Variants in CYFIP2 observed in about 807,000 individuals in gnomAD.
CYFIP2 encodes the protein cytoplasmic FMR1 interacting protein 2.
CYFIP2 carries 29 observed loss-of-function variants against 158.7 expected under a neutral mutation model. The observed-to-expected ratio is 0.18, with a 90% CI of 0.14 to 0.25. CYFIP2 has a LOEUF of 0.25. CYFIP2 is among the 10% of genes least tolerant of loss of function. The pLI is 1.00. For missense variants in CYFIP2, 852 were observed against 1,639.5 expected, an observed-to-expected ratio of 0.52 and a Z score of 8.29; for synonymous variants, 585 against 617.6, an observed-to-expected ratio of 0.95 and a Z score of 0.78.
At chr5:157,327,896 G>T (rs1472363084) in intron 18 of CYFIP2, 77 bp from the exon 19 acceptor site, 2 of 1,394,048 alleles carry the variant, frequency 1.4e-6, no homozygotes, top group East Asian at 2.3e-5. Context: ...CTGCCTGACT[G>T]CTGTCTTTCA....
At chr5:157,275,313 T>G (rs954668141) in intron 1 of CYFIP2, among the ~76,000 whole-genome samples, 4 of 152,228 alleles carry the variant, frequency 2.6e-5, no homozygotes, top group Non-Finnish European at 4.4e-5. Context: ...TGATCCATTT[T>G]GAGTTAATTT....
At chr5:157,345,420 C>A (rs1762606536) in intron 23 of CYFIP2, 1 of 152,576 alleles carries the variant, frequency 6.6e-6, no homozygotes, top group Non-Finnish European at 1.5e-5. Context: ...GATTTTTCTT[C>A]CTCTGTTTCC....
At chr5:157,268,013 C>A (rs1472792438) in intron 1 of CYFIP2, among the ~76,000 whole-genome samples, 1 of 152,206 alleles carries the variant, frequency 6.6e-6, no homozygotes, top group Non-Finnish European at 1.5e-5. Context: ...TTTTGAGCAC[C>A]CAGTGTCCAC....
In CYFIP2 at chr5:157,310,927, T is replaced by TCTC; in HGVS notation, c.993-737_993-736insCTC. The TCTC allele has an allele frequency of 8.9e-6, 4 of 450,594 alleles. No individual in the cohort carries two copies. In the East Asian group the frequency reaches 2.1e-4, roughly 24 times the overall value. The allele number at this position is 450,594 out of a possible 1,614,324, so 27.9% of individuals were successfully genotyped here. On this transcript the variant is annotated intron_variant, in intron 10 of 30. Coordinates refer to ENST00000620254, the MANE Select transcript of CYFIP2 (RefSeq NM_001037333.3). ...ACCAGCACCTGAGGGTAGAAGAGGGTGAAGGGAGTGGTCCTTTTTCTCTTG... is the reference window on the plus strand; with the variant it reads ...ACCAGCACCTGAGGGTAGAAGAGGGTCTCGAAGGGAGTGGTCCTTTTTCTCTTG...
At chr5:157,379,244 A>C (rs1358058127) in intron 26 of CYFIP2, among the ~76,000 whole-genome samples, 1 of 152,098 alleles carries the variant, frequency 6.6e-6, no homozygotes, top group Non-Finnish European at 1.5e-5. Context: ...TGTCATATCT[A>C]TATGATTATA....
rs767676701 is a variant in CYFIP2 at position 157,361,371 on chromosome 5, C to T, written c.2909-97C>T. 3 of 1,545,720 alleles carry T rather than the reference C, an allele frequency of 1.9e-6. No homozygotes were observed. The highest frequency in any genetic ancestry group is 1.8e-5 in the Admixed American group (1 of 56,716). ...ATGCGTGGTTTGGCTTTTTGCTATC[C>T]CAGAGTCAGGTCTGGGGCTGCCACT... On this transcript the variant is annotated intron_variant, in intron 25 of 30. Coordinates refer to ENST00000620254, the MANE Select transcript of CYFIP2 (RefSeq NM_001037333.3). The surrounding 1 kb of genome is among the most constrained non-coding windows in gnomAD (Gnocchi z 4.4).
intron 8 of CYFIP2, among the ~76,000 whole-genome samples, chr5:157,305,179 T>C (rs1759109847): frequency 6.6e-6 from 1 of 152,220 alleles, no homozygotes; most frequent in African/African-American, 2.4e-5. Context: ...GTTGATTCCA[T>C]ATTTTTGCAA....
At chr5:157,368,816 C>T (rs1392619494) in intron 26 of CYFIP2, among the ~76,000 whole-genome samples, 1 of 151,902 alleles carries the variant, frequency 6.6e-6, no homozygotes, top group African/African-American at 2.4e-5. Context: ...CTGTTCACCA[C>T]CCACCTGCCG....
intron 1 of CYFIP2, among the ~76,000 whole-genome samples, chr5:157,279,206 A>G (rs1330833754): frequency 9.9e-5 from 15 of 152,222 alleles, no homozygotes; most frequent in Admixed American, 9.2e-4. Context: ...ACTATTGTAA[A>G]TTGTCACCCT....
At chr5:157,269,146 G>T (rs1161026832) in intron 1 of CYFIP2, among the ~76,000 whole-genome samples, 1 of 152,028 alleles carries the variant, frequency 6.6e-6, no homozygotes, top group Non-Finnish European at 1.5e-5. Flanking sequence ...GTTGGTCTCT[G>T]TGACCAGTAA....
chr5:157,378,152 G>A (rs893550028), intron 26 of CYFIP2, among the ~76,000 whole-genome samples: 3 of 152,152 alleles, frequency 2.0e-5, no homozygotes, highest in South Asian at 2.1e-4. Context: ...ACAAACTGAC[G>A]TGAGTGGTCT....
In CYFIP2 at chr5:157,324,003, G is replaced by C; in HGVS notation, c.1754G>C (p.Gly585Ala). The stretch of plus-strand genomic sequence containing the variant: ...AAGACCCTGAGGAGCAGCCTGGATG[G>C]ACCCATTGTCCTCGCCATAGAGGAC... ...SKKTLRSSLD[G>A]PIVLAIEDFH... is the part of the protein sequence containing the mutation. The change falls in exon 16 of 31, where the codon GGA (glycine) becomes GCA (alanine). Residue 585 changes from glycine (G) to alanine (A), a missense_variant. Physicochemically the swap from Gly to Ala is moderately conservative, Grantham distance 60. This residue lies in a region of CYFIP2 where 167 missense variants were observed against 343.3 expected (regional missense o/e 0.49). Transcript: ENST00000620254. The C allele has an allele frequency of 6.2e-7, 1 of 1,613,434 alleles. No individual in the cohort carries two copies. Among genetic ancestry groups the C allele is most frequent in the Non-Finnish European group, 8.5e-7 (1 of 1,179,684 alleles).
intron 13 of CYFIP2, among the ~76,000 whole-genome samples, chr5:157,318,594 C>CT (rs749227531): frequency 7.2e-5 from 11 of 152,172 alleles, no homozygotes; most frequent in Non-Finnish European, 1.5e-4. Flanking sequence ...CTTTTTCTTC[C>CT]TTTAAGTTTT....
At chr5:157,305,213 A>G (rs375528915) in intron 8 of CYFIP2, among the ~76,000 whole-genome samples, 7 of 152,292 alleles carry the variant, frequency 4.6e-5, no homozygotes, top group African/African-American at 1.7e-4. Flanking sequence ...TGCTATAAAC[A>G]TGTGTGCAAG....
chr5:157,334,367 G>A (rs545354488), intron 21 of CYFIP2, among the ~76,000 whole-genome samples: 1 of 152,112 alleles, frequency 6.6e-6, no homozygotes, highest in South Asian at 2.1e-4. Flanking sequence ...ACGTAATGCC[G>A]CAGTACACCT....
At chr5:157,375,574 C>T (rs992363771) in intron 26 of CYFIP2, among the ~76,000 whole-genome samples, 11 of 151,840 alleles carry the variant, frequency 7.2e-5, no homozygotes, top group African/African-American at 9.7e-5. Flanking sequence ...TGGCCCAGGA[C>T]GGCTTTGAAT....
intron 3 of CYFIP2, among the ~76,000 whole-genome samples, chr5:157,291,458 T>C (rs921577353): frequency 1.3e-5 from 2 of 152,230 alleles, no homozygotes; most frequent in Non-Finnish European, 2.9e-5. Flanking sequence ...ATTCTTCTTG[T>C]TCACTGCGCT....
intron 1 of CYFIP2, among the ~76,000 whole-genome samples, chr5:157,267,397 G>A (rs1407140146): frequency 6.6e-6 from 1 of 152,174 alleles, no homozygotes. Context: ...CTTACTCTTG[G>A]ATACAGGCTG....
At chr5:157,329,589 T>C (rs1201057681) in intron 19 of CYFIP2, among the ~76,000 whole-genome samples, 1 of 152,218 alleles carries the variant, frequency 6.6e-6, no homozygotes, top group Non-Finnish European at 1.5e-5. Context: ...AGACATATTT[T>C]AAAAAGGAAA....
Sources: allele counts gnomAD v4.1 joint callset (sites outside exome capture counted in the v4.1 genomes callset), GRCh38; gene constraint gnomAD v4.1.1; regional missense constraint gnomAD v4.1.1; non-coding constraint Gnocchi (gnomAD v3.1); transcripts MANE v1.5; gene names NCBI Gene and HGNC (gene_info 2026-07-23, HGNC 2026-07-21).